Variants in BCAS3 observed in about 807,000 individuals in gnomAD.
BCAS3 encodes BCAS4/BCAS3 fusion.
BCAS3 carries 53 observed loss-of-function variants against 116.1 expected under a neutral mutation model. That is an observed-to-expected ratio of 0.46 (90% CI 0.37 to 0.57). The LOEUF (loss-of-function observed/expected upper bound fraction) is 0.57. Among genes scored for constraint, BCAS3 ranks in the 20% least tolerant of loss-of-function variants. BCAS3 has a pLI of 0.00. For missense variants in BCAS3, 917 were observed against 1,165.4 expected (o/e 0.79, Z 3.10); for synonymous variants, 391 against 408.2 (o/e 0.96, Z 0.51).
In BCAS3 at chr17:61,045,876, A is replaced by AATATATATATATAAATATATATTT. The variant is rs1457240685; in HGVS notation, c.2029+4992_2029+4993insATATAAATATATATTTATATATAT. ...ATATATATATATATAAATATATATAAATATATATTATATATATAATATATA... is the reference window on the plus strand; with the variant it reads ...ATATATATATATATAAATATATATAAATATATATATATAAATATATATTTATATATATTATATATATAATATATA... On this transcript the variant is annotated intron_variant, in intron 19 of 23. Transcript: ENST00000407086. 1.0e-4 allele frequency among the ~76,000 whole-genome samples: 4 copies of AATATATATATATAAATATATATTT among 39,728 alleles called. 1 individual carries two copies. In the African/African-American group the frequency reaches 1.3e-3, roughly 13 times the overall value. 26.1% of individuals were successfully genotyped at this position (39,728 alleles called of 152,430 possible). A position where few individuals can be genotyped will look rare whatever the true frequency, so the allele number is the denominator to read the frequency against.
At chr17:61,230,533 C>T (rs1008187011) in intron 22 of BCAS3, among the ~76,000 whole-genome samples, 2 of 152,136 alleles carry the variant, frequency 1.3e-5, no homozygotes, top group Admixed American at 6.5e-5. Context: ...TTCACTCCCA[C>T]TTAAAAGTGA....
chr17:61,314,449 A>C (rs921384601), intron 22 of BCAS3, among the ~76,000 whole-genome samples: 1 of 152,208 alleles, frequency 6.6e-6, no homozygotes, highest in Non-Finnish European at 1.5e-5. Context: ...TCCCTCTCTA[A>C]GAACATGTTG....
intron 22 of BCAS3, among the ~76,000 whole-genome samples, chr17:61,301,605 C>T (rs984824329): frequency 5.3e-5 from 8 of 151,976 alleles, no homozygotes; most frequent in East Asian, 1.9e-4. Context: ...CCATTGCAGC[C>T]GGATGACAGT....
At chr17:60,855,858 A>G (rs923149523) in intron 7 of BCAS3, among the ~76,000 whole-genome samples, 7 of 151,672 alleles carry the variant, frequency 4.6e-5, no homozygotes, top group African/African-American at 1.7e-4. Context: ...TACTTTTTGT[A>G]TTTTTTGTAA....
intron 15 of BCAS3, among the ~76,000 whole-genome samples, chr17:61,002,279 G>A (rs1247955587): frequency 6.6e-6 from 1 of 151,376 alleles, no homozygotes; most frequent in Non-Finnish European, 1.5e-5. Flanking sequence ...TGTAAGTTTT[G>A]CCTTTAAATA....
In BCAS3 at chr17:61,063,381, C is replaced by T. The variant is rs764887921; in HGVS notation, c.2030-11539C>T. Among the ~76,000 whole-genome samples, 139 of 151,896 alleles carry T rather than the reference C, an allele frequency of 9.2e-4. No homozygotes were observed. The highest frequency in any genetic ancestry group is 2.9e-3 in the African/African-American group (118 of 41,340). ...GCCTCCTGGGTTCAAGCGATTCTCACGCCTCAGCCTCCCGAGTAGCTGGGA... is the reference window on the plus strand; with the variant it reads ...GCCTCCTGGGTTCAAGCGATTCTCATGCCTCAGCCTCCCGAGTAGCTGGGA... On this transcript the variant is annotated intron_variant, in intron 19 of 23. Coordinates refer to ENST00000407086, the MANE Select transcript of BCAS3 (RefSeq NM_017679.5). This position sits in a 1 kb window ranked among gnomAD's most constrained non-coding sequence, Gnocchi z 5.3.
chr17:60,852,109 ATT>A (rs1184114283), intron 7 of BCAS3, among the ~76,000 whole-genome samples: 2 of 151,824 alleles, frequency 1.3e-5, no homozygotes, highest in African/African-American at 4.8e-5. Context: ...TGTCTTGAAC[ATT>A]TTAAATTACT....
chr17:60,945,368 T>C (rs1228053871), intron 13 of BCAS3, among the ~76,000 whole-genome samples: 1 of 152,134 alleles, frequency 6.6e-6, no homozygotes, highest in Non-Finnish European at 1.5e-5. Flanking sequence ...TAAACAAGAA[T>C]GGCTAAAATA....
At chr17:61,146,326 C>T (rs1175700284) in intron 22 of BCAS3, among the ~76,000 whole-genome samples, 1 of 151,302 alleles carries the variant, frequency 6.6e-6, no homozygotes, top group African/African-American at 2.4e-5. Context: ...CCATGTTGCC[C>T]AGGCTGGTCT....
chr17:60,914,484 T>C (rs547501380), intron 12 of BCAS3, among the ~76,000 whole-genome samples: 15 of 152,118 alleles, frequency 9.9e-5, no homozygotes, highest in Non-Finnish European at 2.1e-4. Flanking sequence ...GGTTATAATA[T>C]ATGAAAGGAA....
intron 22 of BCAS3, among the ~76,000 whole-genome samples, chr17:61,101,613 A>G (rs1203165705): frequency 6.6e-6 from 1 of 152,144 alleles, no homozygotes; most frequent in Non-Finnish European, 1.5e-5. Flanking sequence ...AGGATTCCCA[A>G]TGGACCATTG....
chr17:61,076,387 C>T (rs2071989861), intron 20 of BCAS3, among the ~76,000 whole-genome samples: 1 of 152,174 alleles, frequency 6.6e-6, no homozygotes, highest in South Asian at 2.1e-4. Context: ...CAAGCAGTGT[C>T]TAGGTAACAT....
chr17:60,750,051 C>T (rs1287695730), intron 6 of BCAS3, among the ~76,000 whole-genome samples: 1 of 151,916 alleles, frequency 6.6e-6, no homozygotes, highest in African/African-American at 2.4e-5. Flanking sequence ...CCTGTTATTC[C>T]AGCTACTCGG....
rs2078848422 is a variant in BCAS3 at position 61,171,683 on chromosome 17, T to C, written c.2425+87119T>C. Among the ~76,000 whole-genome samples, 1 of 152,126 alleles carries C rather than the reference T, an allele frequency of 6.6e-6. No individual in the cohort carries two copies. Among genetic ancestry groups the C allele is most frequent in the Non-Finnish European group, 1.5e-5 (1 of 68,026 alleles). On this transcript the variant is annotated intron_variant, in intron 22 of 23. Transcript: ENST00000407086. The surrounding 1 kb of genome is among the most constrained non-coding windows in gnomAD (Gnocchi z 4.1). ...TTGCCAAGGCTGATATGCAGTGACA[T>C]GATTACAGCTCACTGCAGCCTCAAA...
chr17:60,783,887 C>G (rs555503598), intron 6 of BCAS3, among the ~76,000 whole-genome samples: 1 of 152,238 alleles, frequency 6.6e-6, no homozygotes, highest in South Asian at 2.1e-4. Context: ...GTAATATTCT[C>G]TTTGACTTCT....
intron 5 of BCAS3, among the ~76,000 whole-genome samples, chr17:60,722,147 A>G: frequency 6.6e-6 from 1 of 152,174 alleles, no homozygotes; most frequent in Non-Finnish European, 1.5e-5. Flanking sequence ...TTATTAATAA[A>G]GTTGCTCTGA....
rs1258480920 is a variant in BCAS3 at position 60,821,684 on chromosome 17, G to A, written c.476+13608G>A. 2.6e-5 allele frequency: 4 copies of A among 151,630 alleles called. No homozygotes were observed. In the East Asian group the frequency reaches 7.7e-4, roughly 29 times the overall value. The allele number at this position is 151,630 out of a possible 1,614,324, so 9.4% of individuals were successfully genotyped here. On this transcript the variant is annotated intron_variant, in intron 7 of 23. Transcript: ENST00000407086. The stretch of plus-strand genomic sequence containing the variant: ...TTGAGATTCAGCCATGATATTACAT[G>A]TATCAATAGTTTTTTTTTTGTGACA...
intron 7 of BCAS3, among the ~76,000 whole-genome samples, chr17:60,860,182 A>G (rs918055103): frequency 1.3e-5 from 2 of 152,172 alleles, no homozygotes; most frequent in African/African-American, 4.8e-5. Context: ...CTTTTTAGTA[A>G]TAGCCATTCT....
At chr17:61,335,759 A>G (rs1437308024) in intron 22 of BCAS3, among the ~76,000 whole-genome samples, 2 of 152,240 alleles carry the variant, frequency 1.3e-5, no homozygotes, top group Non-Finnish European at 2.9e-5. Flanking sequence ...TGGCTTTGAG[A>G]GTTAATTGCC....
Sources: gnomAD v4.1 joint callset for allele counts (sites outside exome capture counted in the v4.1 genomes callset) on GRCh38, gnomAD v4.1.1 for gene constraint, Gnocchi (gnomAD v3.1) non-coding constraint, MANE v1.5 for transcripts, NCBI Gene and HGNC (gene_info 2026-07-23, HGNC 2026-07-21) for gene names.